The following SLC10A7 variants were observed in gnomAD, a reference collection of about 807,000 sequenced individuals.
The protein encoded by SLC10A7 is solute carrier family 10 member 7, also known as sodium/bile acid cotransporter 7.
SLC10A7 carries 29 observed loss-of-function variants against 43.2 expected under a neutral mutation model. The ratio of observed to expected loss-of-function variants is 0.67; its 90% CI spans 0.50 to 0.92. The LOEUF (loss-of-function observed/expected upper bound fraction) is 0.92. SLC10A7 is among the 40% of genes least tolerant of loss of function. The pLI, the probability that SLC10A7 is intolerant of heterozygous loss-of-function variation, is 0.00. For missense variants in SLC10A7, 295 were observed against 403.2 expected (o/e 0.73, Z 2.30); for synonymous variants, 152 against 144.8 (o/e 1.05, Z -0.35).
At chr4:146,344,135 G>T (rs137893776) in intron 5 of SLC10A7, among the ~76,000 whole-genome samples, 2 of 151,990 alleles carry the variant, frequency 1.3e-5, no homozygotes, top group South Asian at 4.1e-4. Flanking sequence ...GATAAACACA[G>T]TTAAGTTGCA....
chr4:146,285,079 A>C, intron 9 of SLC10A7, among the ~76,000 whole-genome samples: 1 of 152,198 alleles, frequency 6.6e-6, no homozygotes, highest in East Asian at 1.9e-4. Flanking sequence ...AGACTGCAGT[A>C]TGGGAGTGTA....
intron 4 of SLC10A7, chr4:146,477,852 A>AT (rs927363228): frequency 1.7e-4 from 26 of 152,204 alleles, no homozygotes; most frequent in African/African-American, 5.8e-4. Context: ...TTGATGTATA[A>AT]TTTTAACTTA....
chr4:146,350,246 T>A (rs1560822730), intron 5 of SLC10A7, among the ~76,000 whole-genome samples: 1 of 151,428 alleles, frequency 6.6e-6, no homozygotes, highest in Non-Finnish European at 1.5e-5. Context: ...GGGAGTTCCC[T>A]TTCTGAGTCA....
At chr4:146,514,181 A>G (rs1227292327) in intron 2 of SLC10A7, 1 of 152,242 alleles carries the variant, frequency 6.6e-6, no homozygotes, top group African/African-American at 2.4e-5. Flanking sequence ...AGAGTTTGCT[A>G]TATTTGCTTT....
At chr4:146,476,625 G>A (rs1734052131) in intron 4 of SLC10A7, among the ~76,000 whole-genome samples, 1 of 151,954 alleles carries the variant, frequency 6.6e-6, no homozygotes, top group African/African-American at 2.4e-5. Flanking sequence ...CCTTTCTTTT[G>A]GACTTTAGTT....
intron 9 of SLC10A7, among the ~76,000 whole-genome samples, chr4:146,285,191 T>G (rs1338057751): frequency 3.9e-5 from 6 of 152,118 alleles, no homozygotes; most frequent in African/African-American, 9.7e-5. Context: ...TAAGGGGAAC[T>G]GCTGAAGGAG....
rs1727805018 is a variant in SLC10A7 at position 146,254,651 on chromosome 4, TG to T, written c.*1839del. The T allele has an allele frequency of 6.6e-6, 1 of 152,172 alleles. No homozygotes were observed. Among genetic ancestry groups the T allele is most frequent in the South Asian group, 2.1e-4 (1 of 4,820 alleles). The allele number at this position is 152,172 out of a possible 1,614,324, so 9.4% of individuals were successfully genotyped here. A position where few individuals can be genotyped will look rare whatever the true frequency, so the allele number is the denominator to read the frequency against. On this transcript the variant is annotated 3_prime_UTR_variant, in exon 12 of 12. Transcript: ENST00000335472. ...TGTTAGACAATAGAGGTAGATAAGTTGGGGGCGGGGATCAGTATTTTAATGT... is the reference window on the plus strand; with the variant it reads ...TGTTAGACAATAGAGGTAGATAAGTTGGGGCGGGGATCAGTATTTTAATGT...
chr4:146,442,591 A>C, intron 5 of SLC10A7, 192 bp downstream of exon 5: 1 of 1,428,436 alleles, frequency 7.0e-7, no homozygotes, highest in Non-Finnish European at 9.1e-7. Flanking sequence ...AACCTCCAAA[A>C]TATATTGTAA....
At chr4:146,289,688 C>G (rs1032556817) in intron 9 of SLC10A7, among the ~76,000 whole-genome samples, 1 of 148,582 alleles carries the variant, frequency 6.7e-6, no homozygotes, top group Non-Finnish European at 1.5e-5. Flanking sequence ...AAAGCTAATG[C>G]CCCATCTCTG....
intron 8 of SLC10A7, 110 bp from the exon 9 acceptor site, chr4:146,293,090 C>T: frequency 1.5e-6 from 1 of 649,352 alleles, no homozygotes; most frequent in Non-Finnish European, 2.5e-6. Flanking sequence ...AAAAGAAAAA[C>T]AAACAAATAA....
At position 146,509,920 on chromosome 4, in the gene SLC10A7, A is replaced by G; in HGVS notation, c.313T>C (p.Leu105=). The G allele has an allele frequency of 9.3e-6, 15 of 1,612,672 alleles. No homozygotes were observed. The highest frequency in any genetic ancestry group is 1.2e-5 in the Non-Finnish European group (14 of 1,179,622). ...TTAAAGATTTAAACATACCCTTTTA[A>G]AAGCCATTCGTTGATGGGTGTGATT... ...LSITPINEWL[L]KGLQTVGCMP... is the part of the protein sequence containing the mutation. The change falls in exon 3 of 12, where the codon TTA becomes CTA. Residue 105 remains leucine (L), a synonymous_variant. Coordinates refer to ENST00000335472, the MANE Select transcript of SLC10A7 (RefSeq NM_001029998.6).
intron 5 of SLC10A7, among the ~76,000 whole-genome samples, chr4:146,405,510 A>G (rs1727604854): frequency 6.6e-6 from 1 of 152,212 alleles, no homozygotes; most frequent in Non-Finnish European, 1.5e-5. Flanking sequence ...TAGAAAATCA[A>G]TTTGGAAAAT....
intron 9 of SLC10A7, among the ~76,000 whole-genome samples, chr4:146,288,787 T>C (rs527799249): frequency 6.6e-6 from 1 of 152,230 alleles, no homozygotes; most frequent in South Asian, 2.1e-4. Context: ...ACCTTATCTC[T>C]TTTTAATATT....
rs1306671393 is a variant in SLC10A7, at chr4:146,256,346, TA to T, written c.*144del. ...AATAACGCTCTTGTCAAATACATTTTAAGGCACTTAAACAGGATCTCATATT... is the reference window on the plus strand; with the variant it reads ...AATAACGCTCTTGTCAAATACATTTTAGGCACTTAAACAGGATCTCATATT... On this transcript the variant is annotated 3_prime_UTR_variant, in exon 12 of 12. Transcript: ENST00000335472. The T allele has an allele frequency of 1.4e-6, 1 of 723,312 alleles. No homozygotes were observed. Among genetic ancestry groups the T allele is most frequent in the African/African-American group, 1.8e-5 (1 of 55,770 alleles). 44.8% of individuals were successfully genotyped at this position (723,312 alleles called of 1,614,324 possible).
chr4:146,389,618 G>A (rs990811179), intron 5 of SLC10A7, among the ~76,000 whole-genome samples: 1 of 152,206 alleles, frequency 6.6e-6, no homozygotes, highest in African/African-American at 2.4e-5. Flanking sequence ...GCCAAGACAA[G>A]TAGTAGACCA....
At chr4:146,296,684 C>A (rs1405191756) in intron 7 of SLC10A7, among the ~76,000 whole-genome samples, 1 of 152,118 alleles carries the variant, frequency 6.6e-6, no homozygotes, top group Admixed American at 6.5e-5. Context: ...CTAAGTAAAC[C>A]CTTTTATATC....
chr4:146,423,761 T>C (rs1010685026), intron 5 of SLC10A7, among the ~76,000 whole-genome samples: 3 of 152,236 alleles, frequency 2.0e-5, no homozygotes, highest in East Asian at 1.9e-4. Flanking sequence ...TTCTGAAATA[T>C]AGCCTTGTGA....
intron 4 of SLC10A7, among the ~76,000 whole-genome samples, chr4:146,461,125 A>G (rs1013292451): frequency 1.3e-5 from 2 of 151,998 alleles, no homozygotes; most frequent in Non-Finnish European, 2.9e-5. Context: ...AACTTACCTA[A>G]CATTCAAAAA....
intron 6 of SLC10A7, among the ~76,000 whole-genome samples, chr4:146,315,467 C>G (rs966942809): frequency 8.6e-5 from 13 of 151,912 alleles, no homozygotes; most frequent in Non-Finnish European, 1.9e-4. Context: ...CAAATGAAAA[C>G]AAAAAACTGA....
Sources: allele counts gnomAD v4.1 joint callset (sites outside exome capture counted in the v4.1 genomes callset), GRCh38; gene constraint gnomAD v4.1.1; transcripts MANE v1.5; gene names NCBI Gene and HGNC (gene_info 2026-07-23, HGNC 2026-07-21).